The following TRAPPC9 variants were observed in gnomAD, a reference collection of about 807,000 sequenced individuals.
TRAPPC9 encodes the protein trafficking protein particle complex subunit 9.
In TRAPPC9, 83 loss-of-function variants were observed where a neutral mutation model predicts 124.0. The observed-to-expected ratio is 0.67, with a 90% CI of 0.56 to 0.80. The LOEUF is 0.80. Among genes scored for constraint, TRAPPC9 ranks in the 30% least tolerant of loss-of-function variants. TRAPPC9 has a pLI of 0.00. For synonymous variants in TRAPPC9, 638 were observed against 617.5 expected (o/e 1.03, Z -0.49); for missense variants, 1,302 against 1,508.3 (o/e 0.86, Z 2.27).
At chr8:140,438,890 C>T (rs2070911707) in intron 3 of TRAPPC9, among the ~76,000 whole-genome samples, 162 bp downstream of exon 3, 1 of 152,162 alleles carries the variant, frequency 6.6e-6, no homozygotes, top group African/African-American at 2.4e-5. Context: ...CGTGGTTTCA[C>T]CATGTTGGCC....
chr8:139,892,048 G>A (rs1349443197), intron 20 of TRAPPC9, among the ~76,000 whole-genome samples: 2 of 152,168 alleles, frequency 1.3e-5, no homozygotes, highest in East Asian at 3.9e-4. Flanking sequence ...GTTTCTGCAT[G>A]AATATGTGCA....
At chr8:140,231,552 G>GTGCAATCT (rs907941438) in intron 16 of TRAPPC9, among the ~76,000 whole-genome samples, 1 of 132,800 alleles carries the variant, frequency 7.5e-6, no homozygotes, top group African/African-American at 2.9e-5. Flanking sequence ...GATTACAGTG[G>GTGCAATCT]TGCAATCTCG....
At chr8:139,885,759 T>G (rs550443247) in intron 21 of TRAPPC9, 120 bp downstream of exon 21, 1 of 934,124 alleles carries the variant, frequency 1.1e-6, no homozygotes, top group Admixed American at 2.1e-5. Context: ...TTTCCCGTGA[T>G]GACCTTCAGT....
At chr8:140,426,586 A>G in intron 5 of TRAPPC9, 29 bp downstream of exon 5, 1 of 1,611,222 alleles carries the variant, frequency 6.2e-7, no homozygotes, top group Non-Finnish European at 8.5e-7. Flanking sequence ...AAAAATAACC[A>G]AAAGAAACTA....
chr8:139,856,123 C>A (rs1222041098), intron 21 of TRAPPC9, among the ~76,000 whole-genome samples: 4 of 152,176 alleles, frequency 2.6e-5, no homozygotes, highest in African/African-American at 4.8e-5. Flanking sequence ...ACACGGAGCA[C>A]AGACTGAGCC....
chr8:139,739,096 G>C (rs539312945), intron 21 of TRAPPC9, among the ~76,000 whole-genome samples: 1 of 152,250 alleles, frequency 6.6e-6, no homozygotes, highest in East Asian at 1.9e-4. Context: ...GCTCCTCTGG[G>C]CAACCCTGAC....
intron 17 of TRAPPC9, among the ~76,000 whole-genome samples, chr8:140,091,761 C>T (rs572620238): frequency 1.3e-5 from 2 of 152,290 alleles, no homozygotes; most frequent in Admixed American, 1.3e-4. Context: ...CCGCCTGCTG[C>T]GATGAAGTTA....
intron 16 of TRAPPC9, among the ~76,000 whole-genome samples, chr8:140,231,169 A>G (rs1179749189): frequency 6.6e-6 from 1 of 152,234 alleles, no homozygotes; most frequent in Non-Finnish European, 1.5e-5. Context: ...TTCCTCTGTG[A>G]TAAGAAATGC....
intron 9 of TRAPPC9, among the ~76,000 whole-genome samples, chr8:140,337,216 T>C (rs1289438409): frequency 6.6e-6 from 1 of 152,276 alleles, no homozygotes; most frequent in East Asian, 1.9e-4. Context: ...CAGCCTGCAA[T>C]GATCCCTCTA....
chr8:140,379,680 T>G (rs2068547415), intron 7 of TRAPPC9, among the ~76,000 whole-genome samples: 1 of 152,176 alleles, frequency 6.6e-6, no homozygotes, highest in Non-Finnish European at 1.5e-5. Context: ...AGCCAGCAAC[T>G]AGACTGAAGC....
At chr8:139,996,176 A>AAAAAAAAAAAAAAAAAAAAAAAG (rs1563675087) in intron 18 of TRAPPC9, among the ~76,000 whole-genome samples, 1 of 144,816 alleles carries the variant, frequency 6.9e-6, no homozygotes, top group Non-Finnish European at 1.5e-5. Context: ...AAAAAAAAAA[A>AAAAAAAAAAAAAAAAAAAAAAAG]AAAAAAGAAA....
At chr8:140,286,913 T>C (rs893047063) in intron 13 of TRAPPC9, among the ~76,000 whole-genome samples, 4 of 151,168 alleles carry the variant, frequency 2.6e-5, no homozygotes, top group African/African-American at 7.3e-5. Flanking sequence ...GGGCGAGAGA[T>C]GGGGAAGGAA....
At chr8:140,360,255 A>C in intron 8 of TRAPPC9, 62 bp from the exon 9 acceptor site, 1 of 1,607,112 alleles carries the variant, frequency 6.2e-7, no homozygotes. Flanking sequence ...AATACGGTTA[A>C]TCTAAGTTGT....
chr8:140,032,317 C>G (rs1444438984), intron 17 of TRAPPC9, among the ~76,000 whole-genome samples: 1 of 152,200 alleles, frequency 6.6e-6, no homozygotes, highest in Non-Finnish European at 1.5e-5. Context: ...TCCCCTGTAA[C>G]CACCTTATTA....
intron 19 of TRAPPC9, among the ~76,000 whole-genome samples, chr8:139,943,727 A>C (rs760280550): frequency 1.3e-5 from 2 of 152,230 alleles, no homozygotes. Flanking sequence ...TAAAAAGTGG[A>C]AAAGCTAAAA....
intron 17 of TRAPPC9, among the ~76,000 whole-genome samples, chr8:140,122,939 TTA>T (rs1167803200): frequency 6.6e-6 from 1 of 152,232 alleles, no homozygotes; most frequent in African/African-American, 2.4e-5. Flanking sequence ...TTGCATAGAC[TTA>T]ATGTTTGCTG....
At chr8:139,771,087 T>C (rs1820928414) in intron 21 of TRAPPC9, among the ~76,000 whole-genome samples, 1 of 152,136 alleles carries the variant, frequency 6.6e-6, no homozygotes, top group Non-Finnish European at 1.5e-5. Flanking sequence ...AGCATGCCTC[T>C]GCCTGCTTGG....
intron 2 of TRAPPC9, among the ~76,000 whole-genome samples, chr8:140,449,304 C>G (rs1440793107): frequency 6.6e-6 from 1 of 152,202 alleles, no homozygotes; most frequent in Admixed American, 6.5e-5. Context: ...CAATCCTATA[C>G]AGGAGGAGGG....
chr8:140,204,504 A>G (rs183331636), intron 17 of TRAPPC9, among the ~76,000 whole-genome samples: 151 of 151,712 alleles, frequency 1.0e-3, no homozygotes, highest in African/African-American at 3.3e-3. Context: ...GGATAGCATT[A>G]GGAGATATAC....
Sources: gnomAD v4.1 joint callset for allele counts (sites outside exome capture counted in the v4.1 genomes callset) on GRCh38, gnomAD v4.1.1 for gene constraint, MANE v1.5 for transcripts, NCBI Gene and HGNC (gene_info 2026-07-23, HGNC 2026-07-21) for gene names.